The following CUX1 variants were observed in gnomAD, a reference collection of about 807,000 sequenced individuals.
The protein encoded by CUX1 is protein CASP.
CUX1 carries 31 observed loss-of-function variants against 158.8 expected under a neutral mutation model. The ratio of observed to expected loss-of-function variants is 0.20; its 90% confidence interval spans 0.15 to 0.26. CUX1 has a LOEUF of 0.26. Among genes scored for constraint, CUX1 ranks in the 10% least tolerant of loss-of-function variants. CUX1 has a pLI of 1.00. For synonymous variants in CUX1, 879 were observed against 862.1 expected, an observed-to-expected ratio of 1.02 and a Z score of -0.34; for missense variants, 1,589 against 2,014.6, an observed-to-expected ratio of 0.79 and a Z score of 4.04.
In CUX1 at chr7:101,930,750, A is replaced by G. The variant is rs531504703; in HGVS notation, c.141+14525A>G. 5.9e-5 allele frequency among the ~76,000 whole-genome samples: 9 copies of G among 152,276 alleles called. No homozygotes were observed. In the East Asian group the frequency reaches 9.7e-4, roughly 16 times the overall value. ...GATTGTGATTCTGACTTGGCCACTT[A>G]ATGAATGCAAGATCTGAGCAAGCCA... On this transcript the variant is annotated intron_variant, in intron 2 of 23. Transcript: ENST00000292535.
chr7:102,145,600 C>G (rs1834946709), intron 8 of CUX1, among the ~76,000 whole-genome samples: 1 of 152,106 alleles, frequency 6.6e-6, no homozygotes, highest in Non-Finnish European at 1.5e-5. Context: ...CATGGCTCCT[C>G]CTGTATAGGT....
chr7:101,950,198 C>T (rs1193975290), intron 2 of CUX1, among the ~76,000 whole-genome samples: 4 of 151,998 alleles, frequency 2.6e-5, no homozygotes, highest in Non-Finnish European at 4.4e-5. Context: ...TTAGTAGAGA[C>T]GAGGTTTCAC....
chr7:101,935,826 G>A (rs1431677835), intron 2 of CUX1, among the ~76,000 whole-genome samples: 1 of 152,152 alleles, frequency 6.6e-6, no homozygotes, highest in Non-Finnish European at 1.5e-5. Flanking sequence ...AGTGTCAGAG[G>A]GTGCACACTT....
intron 8 of CUX1, among the ~76,000 whole-genome samples, chr7:102,138,770 T>C (rs1834154518): frequency 6.6e-6 from 1 of 152,202 alleles, no homozygotes; most frequent in Non-Finnish European, 1.5e-5. Flanking sequence ...AGCTGCTGTT[T>C]AGCAGGATTA....
chr7:101,851,256 C>G (rs1254901275), intron 1 of CUX1, among the ~76,000 whole-genome samples: 4 of 152,162 alleles, frequency 2.6e-5, no homozygotes, highest in Non-Finnish European at 5.9e-5. Flanking sequence ...TGCCTAAACT[C>G]TCCTCCAGCA....
At chr7:102,102,774 G>A (rs1339025555) in intron 5 of CUX1, among the ~76,000 whole-genome samples, 2 of 152,216 alleles carry the variant, frequency 1.3e-5, no homozygotes, top group African/African-American at 4.8e-5. Context: ...CAATTCCTAA[G>A]AGCTCCCCTC....
chr7:102,177,948 A>G (rs898995307), intron 10 of CUX1, among the ~76,000 whole-genome samples: 1 of 152,036 alleles, frequency 6.6e-6, no homozygotes, highest in African/African-American at 2.4e-5. Flanking sequence ...GCTGAAGTGC[A>G]GTGGTACAAT....
chr7:102,001,206 G>C (rs552117635), intron 2 of CUX1, among the ~76,000 whole-genome samples: 1 of 152,306 alleles, frequency 6.6e-6, no homozygotes, highest in African/African-American at 2.4e-5. Flanking sequence ...ATATGGGCTG[G>C]AGGGCCTGCC....
intron 9 of CUX1, among the ~76,000 whole-genome samples, chr7:102,160,803 G>T (rs970449417): frequency 1.3e-5 from 2 of 152,168 alleles, no homozygotes; most frequent in Admixed American, 6.5e-5. Flanking sequence ...GAAATACGAA[G>T]TTGTTGTTAA....
chr7:101,936,730 C>T (rs1409169671), intron 2 of CUX1, among the ~76,000 whole-genome samples: 2 of 152,140 alleles, frequency 1.3e-5, no homozygotes, highest in African/African-American at 4.8e-5. Flanking sequence ...GCCATCCCCA[C>T]CGGCCTCCTC....
At chr7:102,153,455 AG>A (rs1835914427) in intron 8 of CUX1, 1 of 152,302 alleles carries the variant, frequency 6.6e-6, no homozygotes, top group Non-Finnish European at 1.5e-5. Context: ...TCCCAAGATC[AG>A]GGAGCTGCAC....
intron 2 of CUX1, among the ~76,000 whole-genome samples, chr7:101,971,103 T>G (rs1811890611): frequency 6.6e-6 from 1 of 152,254 alleles, no homozygotes; most frequent in Admixed American, 6.5e-5. Flanking sequence ...ATTTTCCATC[T>G]GGGGAGACTG....
At chr7:102,052,761 T>C (rs1563180300) in intron 3 of CUX1, among the ~76,000 whole-genome samples, 1 of 152,180 alleles carries the variant, frequency 6.6e-6, no homozygotes. Flanking sequence ...CTGTCAGCAA[T>C]GTAGGAGGGT....
chr7:101,830,110 G>T (rs79437358), intron 1 of CUX1, among the ~76,000 whole-genome samples: 1 of 152,130 alleles, frequency 6.6e-6, no homozygotes, highest in Non-Finnish European at 1.5e-5. Context: ...TGAATTGCCC[G>T]TAGATACTGA....
In CUX1 at chr7:102,133,755, G is replaced by A. The variant is rs1301644970; in HGVS notation, c.674+18482G>A. ...CTCCCAAAGTGCTGGGACTACAGGC[G>A]TGAGCCACCACACTCGGCCTAGAAA... On this transcript the variant is annotated intron_variant, in intron 8 of 23. Transcript: ENST00000292535. Among the ~76,000 whole-genome samples the A allele has an allele frequency of 3.3e-5, 5 of 152,108 alleles. No individual in the cohort carries two copies. In the South Asian group the frequency reaches 6.2e-4, roughly 19 times the overall value.
rs78369370 is a variant in CUX1 at position 101,888,414 on chromosome 7, T to C, written c.31-27701T>C. Among the ~76,000 whole-genome samples, 1,191 of 152,370 alleles carry C rather than the reference T, an allele frequency of 7.8e-3. 9 individuals are homozygous for C. The highest frequency in any genetic ancestry group is 0.027 in the African/African-American group (1,111 of 41,590). Reference sequence around the variant, plus strand: ...TCCCATTTAATTCCACTGGATAATATGTTAAATTCAGACTTGTTCGTAGAT... The same window carrying C: ...TCCCATTTAATTCCACTGGATAATACGTTAAATTCAGACTTGTTCGTAGAT... On this transcript the variant is annotated intron_variant, in intron 1 of 23. Coordinates refer to ENST00000292535, the MANE Select transcript of CUX1 (RefSeq NM_181552.4).
intron 1 of CUX1, among the ~76,000 whole-genome samples, chr7:101,880,557 T>C (rs1181525673): frequency 1.3e-5 from 2 of 152,154 alleles, no homozygotes; most frequent in African/African-American, 4.8e-5. Context: ...CTCAATGAAA[T>C]ATTGATGTAA....
At chr7:101,937,677 A>AT (rs1349309878) in intron 2 of CUX1, among the ~76,000 whole-genome samples, 1 of 151,774 alleles carries the variant, frequency 6.6e-6, no homozygotes, top group Non-Finnish European at 1.5e-5. Context: ...TGCCCAGCTA[A>AT]TTTTTTTGTA....
At chr7:102,111,064 CAT>C (rs1391937832) in intron 6 of CUX1, among the ~76,000 whole-genome samples, 2 of 151,536 alleles carry the variant, frequency 1.3e-5, no homozygotes, top group Non-Finnish European at 2.9e-5. Flanking sequence ...ATGTTAAATT[CAT>C]ATGATATAAA....
Sources: allele counts gnomAD v4.1 joint callset (sites outside exome capture counted in the v4.1 genomes callset), GRCh38; gene constraint gnomAD v4.1.1; transcripts MANE v1.5; gene names NCBI Gene and HGNC (gene_info 2026-07-23, HGNC 2026-07-21).